Variants in SPIRE1 observed in about 807,000 individuals in gnomAD.
SPIRE1 encodes the protein spire type actin nucleation factor 1, also known as protein spire homolog 1.
A neutral mutation model predicts 94.1 loss-of-function variants in SPIRE1; 40 were observed. That is an observed-to-expected ratio of 0.43 (90% CI 0.33 to 0.55). SPIRE1 has a LOEUF of 0.55. Among genes scored for constraint, SPIRE1 ranks in the 20% least tolerant of loss-of-function variants. The probability of loss-of-function intolerance (pLI) is 0.06; values close to 1 mark genes in which losing one functional copy is unlikely to be tolerated. For synonymous variants in SPIRE1, 376 were observed against 371.7 expected, an observed-to-expected ratio of 1.01 and a Z score of -0.13; for missense variants, 838 against 975.2, an observed-to-expected ratio of 0.86 and a Z score of 1.87.
chr18:12,536,028 C>T (rs1244989886), intron 3 of SPIRE1, among the ~76,000 whole-genome samples: 1 of 152,102 alleles, frequency 6.6e-6, no homozygotes, highest in African/African-American at 2.4e-5. Context: ...CCAGGCAATT[C>T]CCATCATCCA....
chr18:12,634,947 A>C, intron 2 of SPIRE1, 115 bp downstream of exon 2: 1 of 595,360 alleles, frequency 1.7e-6, no homozygotes, highest in South Asian at 2.0e-5. Flanking sequence ...AAAAAAAAAA[A>C]AAAGAAATCT....
intron 1 of SPIRE1, among the ~76,000 whole-genome samples, chr18:12,655,110 T>C (rs1427960080): frequency 6.6e-6 from 1 of 151,552 alleles, no homozygotes; most frequent in Non-Finnish European, 1.5e-5. Flanking sequence ...CCCAGCACTT[T>C]AGCAGGCCAA....
At chr18:12,625,964 A>C (rs188450013) in intron 2 of SPIRE1, among the ~76,000 whole-genome samples, 35 of 152,080 alleles carry the variant, frequency 2.3e-4, no homozygotes, top group African/African-American at 8.4e-4. Flanking sequence ...CAGGAGGCAG[A>C]TGTTACAGTG....
At chr18:12,585,096 G>A (rs184915465) in intron 2 of SPIRE1, among the ~76,000 whole-genome samples, 53 of 152,094 alleles carry the variant, frequency 3.5e-4, no homozygotes, top group Admixed American at 1.7e-3. Context: ...GAGCTACCAC[G>A]CCAGGCCAAT....
upstream of SPIRE1, chr18:12,658,185 CG>C: frequency 5.2e-6 from 4 of 767,122 alleles, no homozygotes; most frequent in Admixed American, 3.2e-5. Context: ...CCGCACGGGC[CG>C]GGGGATGCAC....
intron 1 of SPIRE1, among the ~76,000 whole-genome samples, chr18:12,639,475 T>C (rs1196569901): frequency 6.6e-6 from 1 of 152,140 alleles, no homozygotes; most frequent in Non-Finnish European, 1.5e-5. Context: ...GGCTCATACC[T>C]GCCATCCGAG....
intron 8 of SPIRE1, among the ~76,000 whole-genome samples, chr18:12,489,597 C>T (rs1035746749): frequency 1.4e-4 from 22 of 151,932 alleles, no homozygotes; most frequent in Admixed American, 1.3e-3. Flanking sequence ...GACTGATGTA[C>T]AAGAATAGTA....
At chr18:12,604,771 T>C (rs1295673705) in intron 2 of SPIRE1, among the ~76,000 whole-genome samples, 2 of 152,116 alleles carry the variant, frequency 1.3e-5, no homozygotes, top group African/African-American at 2.4e-5. Flanking sequence ...ATCCTGTCAA[T>C]CTGTTGAGAA....
intron 2 of SPIRE1, among the ~76,000 whole-genome samples, chr18:12,587,430 A>G (rs1358548905): frequency 6.6e-6 from 1 of 151,290 alleles, no homozygotes; most frequent in Admixed American, 6.8e-5. Context: ...TGCTAAATAT[A>G]TATTTTAGCA....
rs2032329744 is a variant in SPIRE1 at position 12,470,854 on chromosome 18, G to C, written c.1405-5896C>G. The stretch of plus-strand genomic sequence containing the variant: ...AGGCTGGCTGATCCTCACTGAGTTA[G>C]GGCTTCTCTAGCTCAGAACCATGGC... On this transcript the variant is annotated intron_variant, in intron 10 of 16. Transcript: ENST00000409402. Among the ~76,000 whole-genome samples the C allele has an allele frequency of 3.3e-5, 5 of 152,034 alleles. No individual in the cohort carries two copies. In the South Asian group the frequency reaches 1.0e-3, roughly 32 times the overall value.
At chr18:12,634,257 AT>A (rs1316376928) in intron 2 of SPIRE1, among the ~76,000 whole-genome samples, 3 of 64,068 alleles carry the variant, frequency 4.7e-5, no homozygotes, top group South Asian at 8.3e-4. Context: ...AAAAATAAAA[AT>A]AAAAAAAAAA....
chr18:12,521,768 A>T (rs55872088), intron 4 of SPIRE1, among the ~76,000 whole-genome samples: 4 of 149,494 alleles, frequency 2.7e-5, no homozygotes, highest in Admixed American at 6.7e-5. Context: ...ACAATATTCC[A>T]TTTTTTTTTT....
chr18:12,571,613 A>C (rs2035962335), intron 2 of SPIRE1, among the ~76,000 whole-genome samples: 1 of 152,234 alleles, frequency 6.6e-6, no homozygotes, highest in Admixed American at 6.5e-5. Flanking sequence ...ACATTTTTCC[A>C]CTGTGTTCAC....
chr18:12,559,807 C>A lies in SPIRE1; in HGVS notation c.373-12903G>T, dbSNP rs2035631912. Among the ~76,000 whole-genome samples the A allele has an allele frequency of 6.6e-6, 1 of 152,154 alleles. No individual in the cohort carries two copies. Among genetic ancestry groups the A allele is most frequent in the African/African-American group, 2.4e-5 (1 of 41,428 alleles). ...TGAAGAAAACAACAAAATGAAGAAA[C>A]AACCCAAAGAACGGGAGAAAATATG... On this transcript the variant is annotated intron_variant, in intron 2 of 16. Coordinates refer to ENST00000409402, the MANE Select transcript of SPIRE1 (RefSeq NM_001128626.2). The surrounding 1 kb of genome is among the most constrained non-coding windows in gnomAD (Gnocchi z 4.7).
intron 12 of SPIRE1, among the ~76,000 whole-genome samples, chr18:12,461,775 G>T (rs2031875496): frequency 6.6e-6 from 1 of 152,082 alleles, no homozygotes; most frequent in Non-Finnish European, 1.5e-5. Flanking sequence ...TTACGGGCAT[G>T]CGCCACCACA....
At chr18:12,620,287 A>G (rs1324514150) in intron 2 of SPIRE1, among the ~76,000 whole-genome samples, 2 of 152,244 alleles carry the variant, frequency 1.3e-5, no homozygotes, top group Non-Finnish European at 2.9e-5. Context: ...GGCAATCCCT[A>G]TGAGAATTCC....
chr18:12,612,702 CCT>C (rs748694706), intron 2 of SPIRE1, among the ~76,000 whole-genome samples: 4 of 152,306 alleles, frequency 2.6e-5, no homozygotes, highest in African/African-American at 4.8e-5. Flanking sequence ...CTACTCCTCC[CCT>C]GACTACATAT....
intron 6 of SPIRE1, among the ~76,000 whole-genome samples, chr18:12,496,414 T>C (rs1208267991): frequency 2.0e-5 from 3 of 152,240 alleles, no homozygotes; most frequent in African/African-American, 7.2e-5. Flanking sequence ...AAAAACTTTT[T>C]ACCTCTTATT....
chr18:12,625,060 G>T (rs1377967184), intron 2 of SPIRE1, among the ~76,000 whole-genome samples: 1 of 151,866 alleles, frequency 6.6e-6, no homozygotes, highest in Non-Finnish European at 1.5e-5. Flanking sequence ...AACTGGGCGG[G>T]GGTGGGGGAA....
Sources: gnomAD v4.1 joint callset for allele counts (sites outside exome capture counted in the v4.1 genomes callset) on GRCh38, gnomAD v4.1.1 for gene constraint, Gnocchi (gnomAD v3.1) non-coding constraint, MANE v1.5 for transcripts, NCBI Gene and HGNC (gene_info 2026-07-23, HGNC 2026-07-21) for gene names.